The following BMP2K variants were observed in gnomAD, a reference collection of about 807,000 sequenced individuals.
BMP2K encodes the protein BMP-2-inducible protein kinase.
Under a neutral mutation model 116.0 loss-of-function variants are expected in BMP2K, and 74 were observed. The observed-to-expected ratio is 0.64, with a 90% CI of 0.53 to 0.77. The LOEUF (loss-of-function observed/expected upper bound fraction) is 0.77. BMP2K is among the 30% of genes least tolerant of loss of function. The pLI is 0.00. For synonymous variants in BMP2K, 486 were observed against 502.5 expected, an observed-to-expected ratio of 0.97 and a Z score of 0.44; for missense variants, 1,365 against 1,403.6, an observed-to-expected ratio of 0.97 and a Z score of 0.44.
chr4:78,907,048 G>A (rs1327993866), intron 15 of BMP2K, among the ~76,000 whole-genome samples: 1 of 152,032 alleles, frequency 6.6e-6, no homozygotes, highest in African/African-American at 2.4e-5. Flanking sequence ...AAAAGTGCAT[G>A]AATCATGGTT....
chr4:78,820,223 GCTTA>G (rs1455607586), intron 1 of BMP2K, among the ~76,000 whole-genome samples: 1 of 152,154 alleles, frequency 6.6e-6, no homozygotes. Context: ...AATAGTATTA[GCTTA>G]CTTGTGCTTA....
intron 6 of BMP2K, among the ~76,000 whole-genome samples, chr4:78,848,233 A>G (rs1277505493): frequency 6.6e-6 from 1 of 151,602 alleles, no homozygotes; most frequent in Non-Finnish European, 1.5e-5. Context: ...CTTGTGGTAG[A>G]TGAATTTTTT....
intron 15 of BMP2K, among the ~76,000 whole-genome samples, chr4:78,894,143 T>C (rs558410212): frequency 1.3e-5 from 2 of 152,338 alleles, no homozygotes; most frequent in Admixed American, 1.3e-4. Context: ...ACAGAGTAGT[T>C]TTAGCATAGT....
intron 1 of BMP2K, among the ~76,000 whole-genome samples, chr4:78,817,847 C>G (rs1420634625): frequency 6.6e-6 from 1 of 152,100 alleles, no homozygotes; most frequent in Non-Finnish European, 1.5e-5. Context: ...GATGACTTAA[C>G]CTCTTAGCAT....
At chr4:78,788,532 C>T (rs1433320734) in intron 1 of BMP2K, among the ~76,000 whole-genome samples, 1 of 152,028 alleles carries the variant, frequency 6.6e-6, no homozygotes, top group East Asian at 1.9e-4. Context: ...GGTAAATTTT[C>T]ATCTTTTAGC....
intron 5 of BMP2K, 71 bp downstream of exon 5, chr4:78,845,120 C>G: frequency 7.8e-7 from 1 of 1,277,532 alleles, no homozygotes; most frequent in Non-Finnish European, 1.1e-6. Context: ...GCCAGCACTG[C>G]TAATACAAAT....
intron 2 of BMP2K, among the ~76,000 whole-genome samples, chr4:78,829,142 C>A (rs1730025462): frequency 6.6e-6 from 1 of 152,204 alleles, no homozygotes; most frequent in African/African-American, 2.4e-5. Context: ...GCATGCAATA[C>A]TGTTTGATAG....
In BMP2K at chr4:78,827,242, CT is replaced by C. The variant is rs1046583311; in HGVS notation, c.297+1098del. Reference sequence around the variant, plus strand: ...TCCATACACTGTCTTATCTTTCTTTCTTTTTTTTTTTATGGCACTCTGAGCA... The same window carrying C: ...TCCATACACTGTCTTATCTTTCTTTCTTTTTTTTTTATGGCACTCTGAGCA... On this transcript the variant is annotated intron_variant, in intron 2 of 15. Transcript: ENST00000502613. Among the ~76,000 whole-genome samples the C allele has an allele frequency of 6.7e-3, 971 of 145,868 alleles. 8 individuals carry two copies. Among genetic ancestry groups the C allele is most frequent in the African/African-American group, 0.02 (815 of 39,990 alleles).
Position 78,842,542 on chromosome 4 carries a change from A to G in BMP2K, c.546+15A>G. The G allele has an allele frequency of 6.5e-7, 1 of 1,547,004 alleles. No individual in the cohort carries two copies. Among genetic ancestry groups the G allele is most frequent in the Non-Finnish European group, 8.8e-7 (1 of 1,134,732 alleles). ...GGGATCTGAAGGTAAGAACTTTAGA[A>G]TTCCTATGGATTAAGTAATAAGTTG... is the stretch of plus-strand genomic sequence containing the variant. On this transcript the variant is annotated intron_variant, in intron 4 of 15. Coordinates refer to ENST00000502613, the MANE Select transcript of BMP2K (RefSeq NM_198892.2).
intron 1 of BMP2K, among the ~76,000 whole-genome samples, chr4:78,804,132 A>T (rs998053498): frequency 1.3e-5 from 2 of 151,708 alleles, no homozygotes; most frequent in African/African-American, 4.8e-5. Flanking sequence ...CTCCCTCCCC[A>T]CCCCAAACTC....
chr4:78,820,528 CTT>C (rs1729567318), intron 1 of BMP2K, among the ~76,000 whole-genome samples: 1 of 151,932 alleles, frequency 6.6e-6, no homozygotes, highest in Non-Finnish European at 1.5e-5. Flanking sequence ...CTCATTTTCT[CTT>C]TTCTTTTTCT....
At chr4:78,829,674 A>T (rs890795171) in intron 2 of BMP2K, among the ~76,000 whole-genome samples, 2 of 152,174 alleles carry the variant, frequency 1.3e-5, no homozygotes, top group Non-Finnish European at 2.9e-5. Context: ...TATTTTTTAA[A>T]TAATAAGACT....
chr4:78,789,198 T>C (rs1159418419), intron 1 of BMP2K, among the ~76,000 whole-genome samples: 1 of 152,216 alleles, frequency 6.6e-6, no homozygotes, highest in Non-Finnish European at 1.5e-5. Context: ...CCAAATTTAG[T>C]TCCCTCATTT....
chr4:78,911,439 G>T lies in BMP2K; in HGVS notation c.2892G>T (p.Gly964=). ...TTGTGCCCTTTGATGAAATAACGGG[G>T]AGCCAGCAGCAAAAAGTCAAACAGC... is the stretch of plus-strand genomic sequence containing the variant. The part of the protein sequence containing the change: ...FGLVPFDEIT[G]SQQQKVKQRS... The change falls in exon 16 of 16, where the codon GGG becomes GGT. Residue 964 remains glycine (G), a synonymous_variant. Coordinates refer to ENST00000502613, the MANE Select transcript of BMP2K (RefSeq NM_198892.2). The T allele has an allele frequency of 6.2e-7, 1 of 1,614,040 alleles. No individual in the cohort carries two copies. The highest frequency in any genetic ancestry group is 1.1e-5 in the South Asian group (1 of 91,080).
At chr4:78,863,106 A>T (rs997297035) in intron 9 of BMP2K, among the ~76,000 whole-genome samples, 1 of 152,100 alleles carries the variant, frequency 6.6e-6, no homozygotes, top group Non-Finnish European at 1.5e-5. Flanking sequence ...TTAGAGTTAC[A>T]AGACAATGAA....
At chr4:78,834,288 G>A (rs989081831) in intron 3 of BMP2K, among the ~76,000 whole-genome samples, 1 of 147,610 alleles carries the variant, frequency 6.8e-6, no homozygotes, top group African/African-American at 2.6e-5. Context: ...TTGAGACGGA[G>A]TCTCGCTCTG....
At chr4:78,828,078 AATCT>A (rs1007004892) in intron 2 of BMP2K, among the ~76,000 whole-genome samples, 2 of 152,174 alleles carry the variant, frequency 1.3e-5, no homozygotes, top group African/African-American at 4.8e-5. Flanking sequence ...ACCCATCCTC[AATCT>A]GTGTGGGCAC....
chr4:78,915,469 T>C lies in BMP2K; in HGVS notation c.*3436T>C, dbSNP rs989721526. ...GAATGTGCAGTAAACTTTTTTCTCA[T>C]TTTTTTTTCTTTTTAGCAAACTTGT... is the stretch of plus-strand genomic sequence containing the variant. On this transcript the variant is annotated 3_prime_UTR_variant, in exon 16 of 16. Coordinates refer to ENST00000502613, the MANE Select transcript of BMP2K (RefSeq NM_198892.2). 3 of 151,190 alleles carry C rather than the reference T, an allele frequency of 2.0e-5. No homozygotes were observed. The highest frequency in any genetic ancestry group is 4.4e-5 in the Non-Finnish European group (3 of 67,650). The allele number at this position is 151,190 out of a possible 1,614,324, so 9.4% of individuals were successfully genotyped here. A position where few individuals can be genotyped will look rare whatever the true frequency, so the allele number is the denominator to read the frequency against.
At position 78,814,563 on chromosome 4, in the gene BMP2K, TC is replaced by T. The variant is rs547175969; in HGVS notation, c.179-11469del. Among the ~76,000 whole-genome samples the T allele has an allele frequency of 2.6e-3, 393 of 152,176 alleles. 1 individual carries two copies. The highest frequency in any genetic ancestry group is 4.4e-3 in the Non-Finnish European group (302 of 68,006). On this transcript the variant is annotated intron_variant, in intron 1 of 15. Transcript: ENST00000502613. ...ATCTGATGGTTTTATAAGGGGCTTT[TC>T]CCCCTTTTGCTTAGCACTTCTGCTT...
Sources: allele counts gnomAD v4.1 joint callset (sites outside exome capture counted in the v4.1 genomes callset), GRCh38; gene constraint gnomAD v4.1.1; transcripts MANE v1.5; gene names NCBI Gene and HGNC (gene_info 2026-07-23, HGNC 2026-07-21).